The following MAN1A2 variants were observed in gnomAD, a reference collection of about 807,000 sequenced individuals.
MAN1A2 encodes mannosidase alpha class 1A member 2, also known as mannosyl-oligosaccharide 1,2-alpha-mannosidase IB.
A neutral mutation model predicts 75.7 loss-of-function variants in MAN1A2; 26 were observed. The ratio of observed to expected loss-of-function variants is 0.34; its 90% CI spans 0.25 to 0.48. The LOEUF (loss-of-function observed/expected upper bound fraction) is 0.48, where lower values mean the gene tolerates loss of function less well. Ranked by LOEUF, MAN1A2 falls within the 20% of genes least tolerant of loss-of-function variation. The probability of loss-of-function intolerance (pLI) is 0.99; values close to 1 mark genes in which losing one functional copy is unlikely to be tolerated. For missense variants in MAN1A2, 562 were observed against 775.5 expected (o/e 0.72, Z 3.27); for synonymous variants, 247 against 264.6 (o/e 0.93, Z 0.65).
intron 1 of MAN1A2, among the ~76,000 whole-genome samples, chr1:117,390,856 C>T (rs1360392939): frequency 6.6e-6 from 1 of 151,874 alleles, no homozygotes; most frequent in Admixed American, 6.6e-5. Context: ...TTGATGTTTC[C>T]ATTTTCTTTC....
At chr1:117,383,174 TA>T (rs985009931) in intron 1 of MAN1A2, among the ~76,000 whole-genome samples, 2 of 152,214 alleles carry the variant, frequency 1.3e-5, no homozygotes, top group African/African-American at 2.4e-5. Flanking sequence ...GACTTTTTCA[TA>T]AATGCCCTTT....
At chr1:117,499,315 A>G (rs1651130183) in intron 10 of MAN1A2, 67 bp from the exon 11 acceptor site, 1 of 1,174,494 alleles carries the variant, frequency 8.5e-7, no homozygotes, top group African/African-American at 1.6e-5. Context: ...TTCAGGGAAG[A>G]AAGAAGTCCT....
rs1274615871 is a variant in MAN1A2, at chr1:117,522,953, G to A, written c.1922G>A (p.Arg641Gln). ...ACACTTTCAGGTAATCCTGCTGTTCGATGAAAGCAGTTCCAGAAGGACCAT... is the reference window on the plus strand; with the variant it reads ...ACACTTTCAGGTAATCCTGCTGTTCAATGAAAGCAGTTCCAGAAGGACCAT... ...NTTLSGNPAV[R>Q] Residue 641 changes from arginine to glutamine, a missense_variant, in exon 13 of 13, where the codon CGA becomes CAA. Transcript: ENST00000356554. 36 of 1,610,672 alleles carry A rather than the reference G, an allele frequency of 2.2e-5. No homozygotes were observed. Among genetic ancestry groups the A allele is most frequent in the Non-Finnish European group, 2.9e-5 (34 of 1,178,308 alleles).
chr1:117,391,003 A>G (rs1653701561), intron 1 of MAN1A2, among the ~76,000 whole-genome samples: 1 of 152,266 alleles, frequency 6.6e-6, no homozygotes, highest in East Asian at 1.9e-4. Flanking sequence ...TATATTCACA[A>G]TTATCTGCAA....
At position 117,501,275 on chromosome 1, in the gene MAN1A2, G is replaced by T. The variant is rs139349989; in HGVS notation, c.1678-1580G>T. On this transcript the variant is annotated intron_variant, in intron 11 of 12. Transcript: ENST00000356554. ...TCGGTCAAGAACAAGAACTAGAGTA[G>T]TTATACTCTAAATTCAAGTTTCAGA... 1.2e-4 allele frequency among the ~76,000 whole-genome samples: 18 copies of T among 151,872 alleles called. 1 individual carries two copies. The East Asian group carries it at 2.7e-3, about 23-fold the overall frequency.
At chr1:117,521,608 A>G (rs2101035179) in intron 12 of MAN1A2, among the ~76,000 whole-genome samples, 1 of 152,136 alleles carries the variant, frequency 6.6e-6, no homozygotes, top group Admixed American at 6.6e-5. Context: ...ACTATGGAAA[A>G]CAGTGTGGAG....
intron 8 of MAN1A2, among the ~76,000 whole-genome samples, chr1:117,489,604 A>G (rs927317396): frequency 9.2e-5 from 14 of 151,628 alleles, no homozygotes; most frequent in African/African-American, 3.4e-4. Context: ...AGTCTTTTAG[A>G]TTTATTTGTC....
intron 8 of MAN1A2, among the ~76,000 whole-genome samples, chr1:117,483,096 A>G (rs749798981): frequency 6.6e-6 from 1 of 152,022 alleles, no homozygotes; most frequent in African/African-American, 2.4e-5. Flanking sequence ...CCATTGGTCT[A>G]TATATCTGTT....
chr1:117,389,591 C>T (rs1339753198), intron 1 of MAN1A2, among the ~76,000 whole-genome samples: 11 of 152,182 alleles, frequency 7.2e-5, no homozygotes, highest in South Asian at 2.1e-4. Context: ...ACAGGAAGGC[C>T]AGGCCTTATT....
intron 3 of MAN1A2, among the ~76,000 whole-genome samples, chr1:117,408,549 T>A (rs1368857921): frequency 6.6e-6 from 1 of 152,080 alleles, no homozygotes; most frequent in Non-Finnish European, 1.5e-5. Flanking sequence ...GATTTGTACA[T>A]GTTTTGTTGA....
At chr1:117,385,993 A>G (rs1046013576) in intron 1 of MAN1A2, among the ~76,000 whole-genome samples, 92 of 152,282 alleles carry the variant, frequency 6.0e-4, no homozygotes, top group African/African-American at 2.2e-3. Flanking sequence ...TTACAGGTAT[A>G]TAGTACCAGC....
chr1:117,496,864 C>T lies in MAN1A2; in HGVS notation c.1386C>T (p.Cys462=), dbSNP rs951308662. ...AAAAAAAGATGGGGCATTTGGCCTG[C>T]TTTGCTGGGGGAATGTTTGCACTAG... The part of the protein sequence containing the change: ...HLEKKMGHLA[C]FAGGMFALGA... Residue 462 remains cysteine (C), a synonymous_variant, in exon 10 of 13, where the codon TGC becomes TGT. Coordinates refer to ENST00000356554, the MANE Select transcript of MAN1A2 (RefSeq NM_006699.5). 2 of 1,612,580 alleles carry T rather than the reference C, an allele frequency of 1.2e-6. No individual in the cohort carries two copies. The highest frequency in any genetic ancestry group is 2.7e-5 in the African/African-American group (2 of 74,792).
At chr1:117,471,511 G>A (rs995554202) in intron 8 of MAN1A2, among the ~76,000 whole-genome samples, 1 of 151,870 alleles carries the variant, frequency 6.6e-6, no homozygotes, top group Non-Finnish European at 1.5e-5. Flanking sequence ...ACCTTAGAGT[G>A]ACATGGTTTA....
chr1:117,381,635 G>A (rs915929973), intron 1 of MAN1A2, among the ~76,000 whole-genome samples: 2 of 152,064 alleles, frequency 1.3e-5, no homozygotes, highest in African/African-American at 2.4e-5. Flanking sequence ...GAATAGTGCC[G>A]CAGTAAACAT....
chr1:117,451,836 G>C (rs1448685728), intron 6 of MAN1A2, among the ~76,000 whole-genome samples: 2 of 152,048 alleles, frequency 1.3e-5, no homozygotes, highest in African/African-American at 4.8e-5. Flanking sequence ...GTGTGAAAAT[G>C]GACTAATGCA....
chr1:117,379,102 A>G lies in MAN1A2; in HGVS notation c.302+10617A>G, dbSNP rs143375214. Among the ~76,000 whole-genome samples the G allele has an allele frequency of 6.2e-3, 947 of 152,118 alleles. 8 individuals carry two copies. The highest frequency in any genetic ancestry group is 0.022 in the African/African-American group (903 of 41,518). On this transcript the variant is annotated intron_variant, in intron 1 of 12. Coordinates refer to ENST00000356554, the MANE Select transcript of MAN1A2 (RefSeq NM_006699.5). ...ACAGTTTCCTGTATTTTCAGTTCTG[A>G]TAGTTGTAAAGTTTTGTTTTTCACA...
intron 12 of MAN1A2, among the ~76,000 whole-genome samples, chr1:117,504,495 A>G (rs1651290869): frequency 6.6e-6 from 1 of 151,184 alleles, no homozygotes; most frequent in South Asian, 2.1e-4. Flanking sequence ...GACCAGCAAT[A>G]TATTTCAACA....
At chr1:117,515,019 T>C in intron 12 of MAN1A2, 1 of 437,034 alleles carries the variant, frequency 2.3e-6, no homozygotes, top group South Asian at 1.9e-5. Context: ...TTAAAGTATA[T>C]GAAATGTATA....
intron 1 of MAN1A2, among the ~76,000 whole-genome samples, chr1:117,398,599 G>T (rs1302461098): frequency 1.3e-5 from 2 of 151,908 alleles, no homozygotes; most frequent in Non-Finnish European, 2.9e-5. Flanking sequence ...TGTTGAATCT[G>T]GGAGGCAGAG....
Sources: gnomAD v4.1 joint callset for allele counts (sites outside exome capture counted in the v4.1 genomes callset) on GRCh38, gnomAD v4.1.1 for gene constraint, MANE v1.5 for transcripts, NCBI Gene and HGNC (gene_info 2026-07-23, HGNC 2026-07-21) for gene names.